CCNI: variants seen among roughly 807,000 people sequenced by gnomAD.
CCNI encodes cyclin-I.
A neutral mutation model predicts 34.1 loss-of-function variants in CCNI; 14 were observed. The observed-to-expected ratio is 0.41, with a 90% CI of 0.27 to 0.64. The LOEUF (loss-of-function observed/expected upper bound fraction) is 0.64. Ranked by LOEUF, CCNI falls within the 30% of genes least tolerant of loss-of-function variation. The pLI, the probability that CCNI is intolerant of heterozygous loss-of-function variation, is 0.31. For missense variants in CCNI, 385 were observed against 440.5 expected (o/e 0.87, Z 1.13); for synonymous variants, 154 against 158.4 (o/e 0.97, Z 0.21).
At chr4:77,055,865 AT>A in intron 5 of CCNI, 96 bp downstream of exon 5, 1 of 1,014,688 alleles carries the variant, frequency 9.9e-7, no homozygotes, top group South Asian at 1.7e-5. Context: ...TCTTTTTCCT[AT>A]TTCCAGTACA....
intron 2 of CCNI, among the ~76,000 whole-genome samples, chr4:77,064,298 A>C (rs1728855476): frequency 6.6e-6 from 1 of 152,118 alleles, no homozygotes; most frequent in South Asian, 2.1e-4. Flanking sequence ...AATATACTAC[A>C]ATCTAGGTAG....
intron 1 of CCNI, among the ~76,000 whole-genome samples, chr4:77,071,610 T>C (rs1451047089): frequency 1.3e-5 from 2 of 152,202 alleles, no homozygotes; most frequent in East Asian, 1.9e-4. Flanking sequence ...TTTAGCCAGC[T>C]AGACTGACCA....
At chr4:77,054,048 T>TCC (rs1028089724) in intron 6 of CCNI, among the ~76,000 whole-genome samples, 1 of 152,104 alleles carries the variant, frequency 6.6e-6, no homozygotes. Flanking sequence ...AAGACTGAGC[T>TCC]CCCCTCTGCT....
At chr4:77,050,237 C>G (rs1256127159) in intron 6 of CCNI, among the ~76,000 whole-genome samples, 1 of 152,160 alleles carries the variant, frequency 6.6e-6, no homozygotes, top group African/African-American at 2.4e-5. Flanking sequence ...GGAAGCCTAT[C>G]TTGACCATTT....
intron 1 of CCNI, among the ~76,000 whole-genome samples, chr4:77,068,286 G>C (rs561469797): frequency 5.3e-5 from 8 of 152,252 alleles, no homozygotes; most frequent in African/African-American, 1.9e-4. Context: ...ATTTAAGAAA[G>C]TAATGTATCA....
At chr4:77,048,935 G>GA (rs992462002) in intron 6 of CCNI, among the ~76,000 whole-genome samples, 227 of 137,902 alleles carry the variant, frequency 1.6e-3, no homozygotes, top group African/African-American at 5.7e-3. Flanking sequence ...CATGAGAACA[G>GA]AAACTACTTT....
At position 77,050,382 on chromosome 4, in the gene CCNI, G is replaced by A. The variant is rs4252939; in HGVS notation, c.691-1720C>T. ...CACAGAGAAAATAGGGGAAAATAAC[G>A]CACTCTACAAGAACACATTTGGTCA... On this transcript the variant is annotated intron_variant, in intron 6 of 6. Transcript: ENST00000237654. Among the ~76,000 whole-genome samples, 1,125 of 151,860 alleles carry A rather than the reference G, an allele frequency of 7.4e-3. 18 individuals carry two copies. Among genetic ancestry groups the A allele is most frequent in the African/African-American group, 0.026 (1,094 of 41,400 alleles).
Position 77,075,501 on chromosome 4 carries a change from C to G in CCNI, c.-73G>C, listed in dbSNP as rs372095674. 1.0e-6 allele frequency: 1 copy of G among 987,148 alleles called. No homozygotes were observed. Among genetic ancestry groups the G allele is most frequent in the African/African-American group, 1.7e-5 (1 of 57,288 alleles). 61.1% of individuals were successfully genotyped at this position (987,148 alleles called of 1,614,324 possible). A position where few individuals can be genotyped will look rare whatever the true frequency, so the allele number is the denominator to read the frequency against. ...TCCTCCTCTTCCTCCTCCTCCTCCT[C>G]CCCGGCAGAGCTGTAGGCCTCACAG... On this transcript the variant is annotated 5_prime_UTR_variant, in exon 1 of 7. Coordinates refer to ENST00000237654, the MANE Select transcript of CCNI (RefSeq NM_006835.3).
chr4:77,063,794 C>T (rs1441315816), intron 2 of CCNI, among the ~76,000 whole-genome samples: 1 of 152,104 alleles, frequency 6.6e-6, no homozygotes, highest in Non-Finnish European at 1.5e-5. Context: ...CCTATCCCCA[C>T]CAGACCAAGG....
chr4:77,051,416 T>C (rs1332656565), intron 6 of CCNI, among the ~76,000 whole-genome samples: 1 of 152,230 alleles, frequency 6.6e-6, no homozygotes, highest in East Asian at 1.9e-4. Flanking sequence ...AGGAAGACTA[T>C]GTCACTATAA....
chr4:77,062,782 C>T (rs1045211458), intron 2 of CCNI, among the ~76,000 whole-genome samples: 3 of 152,112 alleles, frequency 2.0e-5, no homozygotes, highest in African/African-American at 7.2e-5. Flanking sequence ...TTGAGAACAT[C>T]TGAAAGTATG....
At chr4:77,063,866 T>A (rs1296723546) in intron 2 of CCNI, among the ~76,000 whole-genome samples, 1 of 152,052 alleles carries the variant, frequency 6.6e-6, no homozygotes, top group Non-Finnish European at 1.5e-5. Context: ...GGCAAATCCT[T>A]AAGAAGTGGA....
intron 6 of CCNI, among the ~76,000 whole-genome samples, chr4:77,051,683 C>A (rs4252926): frequency 6.6e-6 from 1 of 152,074 alleles, no homozygotes; most frequent in Admixed American, 6.6e-5. Flanking sequence ...GTGGAAGAAA[C>A]AAAACAAGCA....
chr4:77,052,304 T>C (rs185700631), intron 6 of CCNI, among the ~76,000 whole-genome samples: 4 of 152,266 alleles, frequency 2.6e-5, no homozygotes, highest in Admixed American at 1.3e-4. Context: ...TTGTTCTGTT[T>C]TATGGCTGCA....
At chr4:77,069,557 T>A (rs1246823695) in intron 1 of CCNI, among the ~76,000 whole-genome samples, 1 of 151,314 alleles carries the variant, frequency 6.6e-6, no homozygotes, top group East Asian at 1.9e-4. Context: ...ATCATTTACA[T>A]TAGGTATATC....
chr4:77,066,855 C>T (rs1324771650), intron 1 of CCNI, among the ~76,000 whole-genome samples: 1 of 152,172 alleles, frequency 6.6e-6, no homozygotes, highest in Non-Finnish European at 1.5e-5. Context: ...AAACCATACC[C>T]TCCAGTATGA....
chr4:77,067,193 T>C (rs957073666), intron 1 of CCNI, among the ~76,000 whole-genome samples: 2 of 151,954 alleles, frequency 1.3e-5, no homozygotes, highest in South Asian at 2.1e-4. Context: ...GATCACACCA[T>C]TGCACTCCAG....
At position 77,047,524 on chromosome 4, in the gene CCNI, G is replaced by T. The variant is rs573323366; in HGVS notation, c.*695C>A. Reference sequence around the variant, plus strand: ...TCACAAATTCTTTTATACAAATGTCGAAAATGCTTTCAACAAACCTAAGTG... The same window carrying T: ...TCACAAATTCTTTTATACAAATGTCTAAAATGCTTTCAACAAACCTAAGTG... On this transcript the variant is annotated 3_prime_UTR_variant, in exon 7 of 7. Transcript: ENST00000237654. 1 of 152,036 alleles carries T rather than the reference G, an allele frequency of 6.6e-6. No individual in the cohort carries two copies. The highest frequency in any genetic ancestry group is 1.5e-5 in the Non-Finnish European group (1 of 68,018). 9.4% of individuals were successfully genotyped at this position (152,036 alleles called of 1,614,324 possible).
At position 77,048,014 on chromosome 4, in the gene CCNI, T is replaced by C; in HGVS notation, c.*205A>G. ...AAAGTTTGGATCTTTTGGATTTCTT[T>C]TTTTTTTTTTTGGTCTTTATGTGCT... On this transcript the variant is annotated 3_prime_UTR_variant, in exon 7 of 7. Coordinates refer to ENST00000237654, the MANE Select transcript of CCNI (RefSeq NM_006835.3). 2.9e-6 allele frequency: 1 copy of C among 348,448 alleles called. No individual in the cohort carries two copies. The highest frequency in any genetic ancestry group is 4.4e-5 in the Admixed American group (1 of 22,584). The allele number at this position is 348,448 out of a possible 1,614,324, so 21.6% of individuals were successfully genotyped here. A position where few individuals can be genotyped will look rare whatever the true frequency, so the allele number is the denominator to read the frequency against.
Sources: gnomAD v4.1 joint callset for allele counts (sites outside exome capture counted in the v4.1 genomes callset) on GRCh38, gnomAD v4.1.1 for gene constraint, MANE v1.5 for transcripts, NCBI Gene and HGNC (gene_info 2026-07-23, HGNC 2026-07-21) for gene names.